SNX16: variants seen among roughly 807,000 people sequenced by gnomAD.
SNX16 encodes the protein sorting nexin-16.
In SNX16, 35 loss-of-function variants were observed where a neutral mutation model predicts 36.7. That is an observed-to-expected ratio of 0.95 (90% confidence interval 0.73 to 1.27). SNX16 has a LOEUF of 1.27. SNX16 is among the 50% of genes most tolerant of loss of function. The pLI is 0.00. For synonymous variants in SNX16, 134 were observed against 132.0 expected, an observed-to-expected ratio of 1.02 and a Z score of -0.10; for missense variants, 367 against 393.6, an observed-to-expected ratio of 0.93 and a Z score of 0.57.
At chr8:81,840,952 A>C (rs1811726941) in intron 1 of SNX16, among the ~76,000 whole-genome samples, 1 of 140,460 alleles carries the variant, frequency 7.1e-6, no homozygotes, top group Non-Finnish European at 1.6e-5. Flanking sequence ...ACAAGACTAC[A>C]CACAACAATA....
At position 81,802,444 on chromosome 8, in the gene SNX16, G is replaced by C; in HGVS notation, c.874C>G (p.Gln292Glu). The change falls in exon 7 of 8, where the codon CAG becomes GAG. Residue 292 changes from glutamine to glutamate, a missense_variant. Transcript: ENST00000345957. ...SLDVSETEGE[Q>E]ILKVESSALE... Reference sequence around the variant, plus strand: ...GCAGAGGACTCCACCTTTAGGATCTGTTCACCTTCTGTTTCTGACACATCC... The same window carrying C: ...GCAGAGGACTCCACCTTTAGGATCTCTTCACCTTCTGTTTCTGACACATCC... 6.2e-7 allele frequency: 1 copy of C among 1,610,252 alleles called. No homozygotes were observed. The highest frequency in any genetic ancestry group is 8.5e-7 in the Non-Finnish European group (1 of 1,177,456).
chr8:81,840,268 A>T, intron 1 of SNX16, 186 bp from the exon 2 acceptor site: 1 of 269,690 alleles, frequency 3.7e-6, no homozygotes. Context: ...ACTACTTCAC[A>T]CTCTTTTTCC....
intron 5 of SNX16, among the ~76,000 whole-genome samples, chr8:81,809,118 C>T (rs566383096): frequency 1.3e-5 from 2 of 151,764 alleles, no homozygotes; most frequent in South Asian, 4.2e-4. Flanking sequence ...GGTAAATTTC[C>T]CCAACAGTGT....
intron 2 of SNX16, among the ~76,000 whole-genome samples, chr8:81,834,496 G>A (rs1055047525): frequency 3.3e-5 from 5 of 152,072 alleles, no homozygotes; most frequent in Admixed American, 1.3e-4. Flanking sequence ...ATTCTTATAC[G>A]AGACAAGAAG....
At chr8:81,827,366 T>A (rs1233525807) in intron 3 of SNX16, among the ~76,000 whole-genome samples, 1 of 152,170 alleles carries the variant, frequency 6.6e-6, no homozygotes, top group Non-Finnish European at 1.5e-5. Flanking sequence ...TGTTTGAAAT[T>A]AGTCTGCATG....
chr8:81,801,526 C>G lies in SNX16; in HGVS notation c.1006G>C (p.Glu336Gln), dbSNP rs777846492. The change falls in exon 8 of 8, where the codon GAA becomes CAA. Residue 336 changes from glutamate (E) to glutamine (Q), a missense_variant. By Grantham distance (29) the Glu-to-Gln change is conservative (BLOSUM62 2). Transcript: ENST00000345957. ...TCTTCTTCAGCATCATATGCCACTT[C>G]TGCTACTTCTATCTCTGATACAGCA... ...ENAVSEIEVAEVAYDAEED is the reference protein window; with the variant it reads ...ENAVSEIEVAQVAYDAEED 6.3e-7 allele frequency: 1 copy of G among 1,595,724 alleles called. No individual in the cohort carries two copies. The highest frequency in any genetic ancestry group is 2.3e-5 in the East Asian group (1 of 44,252).
intron 5 of SNX16, among the ~76,000 whole-genome samples, chr8:81,810,855 T>C (rs1184960948): frequency 1.3e-5 from 2 of 152,142 alleles, no homozygotes; most frequent in Admixed American, 6.5e-5. Context: ...CAAAAAGTTA[T>C]CCAGCCCTAA....
Position 81,800,076 on chromosome 8 carries a change from T to C in SNX16, c.*1421A>G, listed in dbSNP as rs2130552414. The C allele has an allele frequency of 6.6e-6, 1 of 151,996 alleles. No individual in the cohort carries two copies. Among genetic ancestry groups the C allele is most frequent in the East Asian group, 1.9e-4 (1 of 5,184 alleles). 9.4% of individuals were successfully genotyped at this position (151,996 alleles called of 1,614,324 possible). A position where few individuals can be genotyped will look rare whatever the true frequency, so the allele number is the denominator to read the frequency against. ...TTACTTCAAAGGTTAACAACAGCCA[T>C]TGAATGTGTTGATATATGTCATTAG... On this transcript the variant is annotated 3_prime_UTR_variant, in exon 8 of 8. Transcript: ENST00000345957.
At chr8:81,809,228 T>C (rs576234766) in intron 5 of SNX16, among the ~76,000 whole-genome samples, 64 of 152,274 alleles carry the variant, frequency 4.2e-4, no homozygotes, top group African/African-American at 1.5e-3. Context: ...CTTGGTGTAG[T>C]TGAACTGATA....
intron 5 of SNX16, among the ~76,000 whole-genome samples, chr8:81,803,480 G>C (rs930404813): frequency 6.6e-6 from 1 of 151,956 alleles, no homozygotes; most frequent in African/African-American, 2.4e-5. Context: ...TAGTAAGCTA[G>C]TGTGCCTGAA....
At chr8:81,832,107 A>G (rs61339058) in intron 2 of SNX16, among the ~76,000 whole-genome samples, 37,780 of 152,152 alleles carry the variant, frequency 0.25, 5,243 homozygotes, top group East Asian at 0.37. Flanking sequence ...AAAGACATAT[A>G]CACTTACATG....
chr8:81,829,254 A>G (rs1298547266), intron 3 of SNX16, among the ~76,000 whole-genome samples, 176 bp downstream of exon 3: 1 of 99,694 alleles, frequency 1.0e-5, no homozygotes, highest in Non-Finnish European at 2.3e-5. Flanking sequence ...TGGCAATTTT[A>G]AAGTTTCACA....
intron 5 of SNX16, among the ~76,000 whole-genome samples, chr8:81,809,230 G>C (rs1237836708): frequency 1.3e-5 from 2 of 152,040 alleles, no homozygotes; most frequent in Non-Finnish European, 2.9e-5. Flanking sequence ...TGGTGTAGTT[G>C]AACTGATAGT....
In SNX16 at chr8:81,839,955, G is replaced by A; in HGVS notation, c.32C>T (p.Pro11Leu). The A allele has an allele frequency of 6.2e-7, 1 of 1,613,312 alleles. No individual in the cohort carries two copies. The highest frequency in any genetic ancestry group is 8.5e-7 in the Non-Finnish European group (1 of 1,179,650). The change falls in exon 2 of 8, where the codon CCC becomes CTC. Residue 11 changes from proline to leucine, a missense_variant. By Grantham distance (98) the Pro-to-Leu change is moderately conservative. Coordinates refer to ENST00000345957, the MANE Select transcript of SNX16 (RefSeq NM_152836.3). The stretch of plus-strand genomic sequence containing the variant: ...AAAACTGGAAGCAGAGTTTCCTATG[G>A]GCATAGGAACTGGGACATAAGGAGT... MATPYVPVPM[P>L]IGNSASSFTT...
intron 2 of SNX16, among the ~76,000 whole-genome samples, chr8:81,834,892 T>C (rs932203282): frequency 1.3e-5 from 2 of 152,182 alleles, no homozygotes; most frequent in Non-Finnish European, 2.9e-5. Context: ...TGGAGGATGA[T>C]GGCCCTCCTC....
At chr8:81,819,704 AAC>A (rs1810646925) in intron 4 of SNX16, among the ~76,000 whole-genome samples, 1 of 151,908 alleles carries the variant, frequency 6.6e-6, no homozygotes, top group African/African-American at 2.4e-5. Flanking sequence ...ATATTTATTG[AAC>A]AGATAAAATC....
intron 5 of SNX16, among the ~76,000 whole-genome samples, chr8:81,804,068 G>A (rs1446082837): frequency 1.3e-5 from 2 of 151,918 alleles, no homozygotes; most frequent in African/African-American, 4.8e-5. Flanking sequence ...TTGTAAGACA[G>A]TAGGGGACTG....
intron 3 of SNX16, among the ~76,000 whole-genome samples, chr8:81,824,990 ATACTG>A (rs1029867870): frequency 2.0e-5 from 3 of 152,198 alleles, no homozygotes; most frequent in African/African-American, 7.2e-5. Context: ...CATAAGCCTA[ATACTG>A]GCCTCTCCAG....
intron 2 of SNX16, among the ~76,000 whole-genome samples, chr8:81,837,538 C>A (rs1371373808): frequency 6.6e-6 from 1 of 152,136 alleles, no homozygotes; most frequent in Non-Finnish European, 1.5e-5. Context: ...CTGGAGAGGG[C>A]CTACTTTCTG....
Sources: allele counts gnomAD v4.1 joint callset (sites outside exome capture counted in the v4.1 genomes callset), GRCh38; gene constraint gnomAD v4.1.1; transcripts MANE v1.5; gene names NCBI Gene and HGNC (gene_info 2026-07-23, HGNC 2026-07-21).